Variants in USPL1 observed in about 807,000 individuals in gnomAD.
The protein encoded by USPL1 is SUMO-specific isopeptidase USPL1.
Under a neutral mutation model 51.5 loss-of-function variants are expected in USPL1, and 27 were observed. That is an observed-to-expected ratio of 0.52 (90% confidence interval 0.39 to 0.72). USPL1 has a LOEUF of 0.72. Ranked by LOEUF, USPL1 falls within the 30% of genes least tolerant of loss-of-function variation. USPL1 has a pLI of 0.00. For synonymous variants in USPL1, 451 were observed against 459.6 expected, an observed-to-expected ratio of 0.98 and a Z score of 0.24; for missense variants, 1,226 against 1,268.0, an observed-to-expected ratio of 0.97 and a Z score of 0.50.
rs768631825 is a variant in USPL1, at chr13:30,657,750, G to C, written c.1673G>C (p.Arg558Pro). ...THPKDISVAP[R>P]TLSQDTAVTH... is the part of the protein sequence containing the mutation. ...CCTAAAGATATATCAGTTGCCCCTC[G>C]TACTCTTTCACAGGACACAGCTGTA... is the stretch of plus-strand genomic sequence containing the variant. The change falls in exon 9 of 9, where the codon CGT (arginine) becomes CCT (proline). Residue 558 changes from arginine to proline, a missense_variant. Physicochemically the swap from Arg to Pro is moderately radical, Grantham distance 103. Transcript: ENST00000255304. 2 of 1,614,066 alleles carry C rather than the reference G, an allele frequency of 1.2e-6. No homozygotes were observed. The highest frequency in any genetic ancestry group is 1.7e-6 in the Non-Finnish European group (2 of 1,180,016).
chr13:30,640,271 G>A (rs576882940), intron 5 of USPL1, among the ~76,000 whole-genome samples: 11 of 152,174 alleles, frequency 7.2e-5, no homozygotes, highest in South Asian at 2.1e-4. Context: ...AATAGAATAC[G>A]GATTTAAAGG....
chr13:30,653,580 C>G (rs1951120442), intron 8 of USPL1, among the ~76,000 whole-genome samples: 1 of 152,076 alleles, frequency 6.6e-6, no homozygotes, highest in African/African-American at 2.4e-5. Flanking sequence ...GAGATTACTA[C>G]TGTTAGCTCA....
At chr13:30,636,697 A>C (rs1950880513) in intron 4 of USPL1, among the ~76,000 whole-genome samples, 1 of 152,244 alleles carries the variant, frequency 6.6e-6, no homozygotes, top group Non-Finnish European at 1.5e-5. Flanking sequence ...TAATAGTGAA[A>C]AAAGAAACAA....
rs754079512 is a variant in USPL1, at chr13:30,642,741, C to T, written c.1096C>T (p.His366Tyr). The change falls in exon 6 of 9, where the codon CAC becomes TAC. Residue 366 changes from histidine to tyrosine, a missense_variant. Coordinates refer to ENST00000255304, the MANE Select transcript of USPL1 (RefSeq NM_005800.5). ...SWDFECSQCG[H>Y]QYQNRHMKSL... ...GGACTTTGAATGTTCGCAGTGTGGACACCAATATCAAAACAGGTTAGTTTC... is the reference window on the plus strand; with the variant it reads ...GGACTTTGAATGTTCGCAGTGTGGATACCAATATCAAAACAGGTTAGTTTC... 123 of 1,611,822 alleles carry T rather than the reference C, an allele frequency of 7.6e-5. No homozygotes were observed. Among genetic ancestry groups the T allele is most frequent in the Non-Finnish European group, 9.8e-5 (116 of 1,179,418 alleles).
Position 30,639,819 on chromosome 13 carries a change from TC to T in USPL1, c.982+1965del, listed in dbSNP as rs1222819261. Among the ~76,000 whole-genome samples the T allele has an allele frequency of 2.6e-5, 4 of 152,272 alleles. No homozygotes were observed. The East Asian group carries it at 7.7e-4, about 29-fold the overall frequency. On this transcript the variant is annotated intron_variant, in intron 5 of 8. Coordinates refer to ENST00000255304, the MANE Select transcript of USPL1 (RefSeq NM_005800.5). Reference sequence around the variant, plus strand: ...AGCAGATACCATTTCCCTTCTAGACTCCCTACTTCAGTTCCCAGTTGAATTA... The same window carrying T: ...AGCAGATACCATTTCCCTTCTAGACTCCTACTTCAGTTCCCAGTTGAATTA...
At chr13:30,646,355 GTT>G (rs369910911) in intron 6 of USPL1, among the ~76,000 whole-genome samples, 19 of 144,472 alleles carry the variant, frequency 1.3e-4, no homozygotes, top group Non-Finnish European at 2.6e-4. Context: ...GTGTGTGTGT[GTT>G]TTTTTTTTAA....
In USPL1 at chr13:30,660,307, C is replaced by A. The variant is rs1951241918; in HGVS notation, c.*951C>A. 6.6e-6 allele frequency: 1 copy of A among 152,286 alleles called. No homozygotes were observed. The highest frequency in any genetic ancestry group is 2.4e-5 in the African/African-American group (1 of 41,458). 9.4% of individuals were successfully genotyped at this position (152,286 alleles called of 1,614,324 possible). ...TCCCTGTTCATGGCTTCCAGGCTTACCCCCCTGCTTTGATCTGAGAGCTGG... is the reference window on the plus strand; with the variant it reads ...TCCCTGTTCATGGCTTCCAGGCTTAACCCCCTGCTTTGATCTGAGAGCTGG... On this transcript the variant is annotated 3_prime_UTR_variant, in exon 9 of 9. Transcript: ENST00000255304.
intron 3 of USPL1, among the ~76,000 whole-genome samples, chr13:30,627,750 G>T (rs1009740555): frequency 5.3e-5 from 8 of 151,876 alleles, no homozygotes; most frequent in Non-Finnish European, 8.8e-5. Flanking sequence ...AGGAGTATTA[G>T]GTATATTCAC....
chr13:30,654,893 T>TA (rs1023574146), intron 8 of USPL1, among the ~76,000 whole-genome samples: 2 of 152,054 alleles, frequency 1.3e-5, no homozygotes, highest in African/African-American at 4.8e-5. Flanking sequence ...AATGCTCTCA[T>TA]AAAAAAAGTA....
At chr13:30,649,071 A>T (rs1951054886) in intron 7 of USPL1, among the ~76,000 whole-genome samples, 1 of 152,234 alleles carries the variant, frequency 6.6e-6, no homozygotes, top group Non-Finnish European at 1.5e-5. Flanking sequence ...TATACAAATA[A>T]GTTGCTTCCC....
At chr13:30,629,287 T>G (rs866400728) in intron 3 of USPL1, among the ~76,000 whole-genome samples, 3 of 152,092 alleles carry the variant, frequency 2.0e-5, no homozygotes, top group Non-Finnish European at 4.4e-5. Context: ...GCAGATTGCT[T>G]GAACCCAGGA....
rs1325415215 is a variant in USPL1 at position 30,625,429 on chromosome 13, G to T, written c.228+3537G>T. Among the ~76,000 whole-genome samples the T allele has an allele frequency of 3.3e-5, 5 of 149,338 alleles. No individual in the cohort carries two copies. In the East Asian group the frequency reaches 5.9e-4, roughly 18 times the overall value. The stretch of plus-strand genomic sequence containing the variant: ...AGATGTACTACATAGATTTTTAGTT[G>T]GTTTTTTGTTTTTTGTTTTTTTTTT... On this transcript the variant is annotated intron_variant, in intron 3 of 8. Transcript: ENST00000255304.
At position 30,657,867 on chromosome 13, in the gene USPL1, C is replaced by T. The variant is rs1372689176; in HGVS notation, c.1790C>T (p.Ser597Leu). The change falls in exon 9 of 9, where the codon TCA (serine) becomes TTA (leucine). Residue 597 changes from serine (S) to leucine (L), a missense_variant. Ser to Leu is a moderately radical substitution (Grantham distance 145). Transcript: ENST00000255304. ...GAAGAAACTATCCAGAAAACAGCCT[C>T]AGTTTCACAGTTAAATTCTGAAGCT... ...TLEETIQKTA[S>L]VSQLNSEAFL... The T allele has an allele frequency of 6.2e-7, 1 of 1,614,030 alleles. No individual in the cohort carries two copies.
rs1358853266 is a variant in USPL1, at chr13:30,653,257, C to G, written c.1348C>G (p.Gln450Glu). 1 of 1,610,130 alleles carries G rather than the reference C, an allele frequency of 6.2e-7. No individual in the cohort carries two copies. Among genetic ancestry groups the G allele is most frequent in the South Asian group, 1.1e-5 (1 of 90,678 alleles). The change falls in exon 8 of 9, where the codon CAG (glutamine) becomes GAG (glutamate). Residue 450 changes from glutamine to glutamate, a missense_variant. By Grantham distance (29) the Gln-to-Glu change is conservative. Transcript: ENST00000255304. ...GCLYQITSVI[Q>E]YRANNHFITW... ...TCTTTATCAGATAACTTCTGTAATT[C>G]AGTATCGAGCAAATAATCATTTTAT... is the stretch of plus-strand genomic sequence containing the variant.
intron 3 of USPL1, among the ~76,000 whole-genome samples, chr13:30,630,613 C>T (rs1950788422): frequency 6.6e-6 from 1 of 152,000 alleles, no homozygotes; most frequent in South Asian, 2.1e-4. Context: ...CAGATTAAAC[C>T]CTTGATTGTT....
chr13:30,648,461 G>C (rs967754221), intron 7 of USPL1, among the ~76,000 whole-genome samples: 1 of 151,996 alleles, frequency 6.6e-6, no homozygotes, highest in African/African-American at 2.4e-5. Flanking sequence ...AGTCACTATC[G>C]TAGTTTTTAG....
intron 6 of USPL1, among the ~76,000 whole-genome samples, chr13:30,643,713 G>A (rs1950980453): frequency 1.4e-5 from 2 of 147,960 alleles, no homozygotes; most frequent in Non-Finnish European, 1.5e-5. Context: ...GGGTTAAAGC[G>A]ATTCTCCTTC....
intron 3 of USPL1, among the ~76,000 whole-genome samples, chr13:30,625,618 G>A (rs1950705052): frequency 6.6e-6 from 1 of 151,676 alleles, no homozygotes; most frequent in South Asian, 2.1e-4. Flanking sequence ...GCTAATTTTT[G>A]TATTTTTAGT....
intron 4 of USPL1, among the ~76,000 whole-genome samples, chr13:30,634,783 G>A (rs1950853925): frequency 6.6e-6 from 1 of 152,140 alleles, no homozygotes. Context: ...TTCCAAAGTG[G>A]TTGTACCAAG....
Sources: allele counts gnomAD v4.1 joint callset (sites outside exome capture counted in the v4.1 genomes callset), GRCh38; gene constraint gnomAD v4.1.1; transcripts MANE v1.5; gene names NCBI Gene and HGNC (gene_info 2026-07-23, HGNC 2026-07-21).